Variants in WWOX observed in about 807,000 individuals in gnomAD.
WWOX encodes WW domain containing oxidoreductase.
WWOX carries 69 observed loss-of-function variants against 46.2 expected under a neutral mutation model. The ratio of observed to expected loss-of-function variants is 1.49; its 90% CI spans 1.23 to 1.82. The LOEUF (loss-of-function observed/expected upper bound fraction) is 1.82. Among genes scored for constraint, WWOX ranks in the 40% most tolerant of loss-of-function variants. The probability of loss-of-function intolerance (pLI) is 0.00; values close to 1 mark genes in which losing one functional copy is unlikely to be tolerated. For synonymous variants in WWOX, 359 were observed against 202.6 expected, an observed-to-expected ratio of 1.77 and a Z score of -6.56; for missense variants, 919 against 542.6, an observed-to-expected ratio of 1.69 and a Z score of -6.89.
At chr16:78,720,851 C>G (rs974115185) in intron 8 of WWOX, among the ~76,000 whole-genome samples, 1 of 152,058 alleles carries the variant, frequency 6.6e-6, no homozygotes, top group East Asian at 1.9e-4. Flanking sequence ...AGAAATTAGA[C>G]AGGAGCTACA....
intron 8 of WWOX, among the ~76,000 whole-genome samples, chr16:78,933,633 T>A (rs191326384): frequency 8.5e-5 from 13 of 152,310 alleles, no homozygotes; most frequent in Admixed American, 8.5e-4. Flanking sequence ...AGAAGTTTAT[T>A]GGACTTACAG....
chr16:78,354,666 G>GT (rs1473173832), intron 5 of WWOX, among the ~76,000 whole-genome samples: 1 of 151,780 alleles, frequency 6.6e-6, no homozygotes, highest in African/African-American at 2.4e-5. Context: ...GTTGGATTTT[G>GT]TTTTTTGGTT....
intron 8 of WWOX, among the ~76,000 whole-genome samples, chr16:78,590,292 A>G (rs914806297): frequency 2.0e-5 from 3 of 152,204 alleles, no homozygotes; most frequent in African/African-American, 7.2e-5. Context: ...CTATCCTTCA[A>G]AAAGGCACCA....
intron 5 of WWOX, among the ~76,000 whole-genome samples, chr16:78,183,049 C>G (rs971122426): frequency 1.3e-5 from 2 of 151,732 alleles, no homozygotes; most frequent in Non-Finnish European, 2.9e-5. Context: ...TATGACAGCA[C>G]GGATCACATA....
intron 8 of WWOX, chr16:79,016,793 T>G (rs1022228286): frequency 6.6e-6 from 1 of 152,224 alleles, no homozygotes; most frequent in Non-Finnish European, 1.5e-5. Context: ...CAGTCCTTCT[T>G]AGAAGATGAT....
At chr16:79,064,835 C>G (rs2048413798) in intron 8 of WWOX, among the ~76,000 whole-genome samples, 1 of 152,144 alleles carries the variant, frequency 6.6e-6, no homozygotes, top group African/African-American at 2.4e-5. Flanking sequence ...ATTATCTGCC[C>G]TGGAATGGCA....
chr16:78,845,514 A>G (rs912779921), intron 8 of WWOX, among the ~76,000 whole-genome samples: 1 of 152,226 alleles, frequency 6.6e-6, no homozygotes, highest in African/African-American at 2.4e-5. Flanking sequence ...AATATTTTAT[A>G]AAACATATTT....
chr16:78,960,855 A>G (rs1325921802), intron 8 of WWOX, among the ~76,000 whole-genome samples: 2 of 152,162 alleles, frequency 1.3e-5, no homozygotes, highest in Non-Finnish European at 1.5e-5. Flanking sequence ...TGCTTTATTT[A>G]CTGTATACAT....
intron 8 of WWOX, among the ~76,000 whole-genome samples, chr16:78,460,973 T>C (rs1396243751): frequency 6.7e-6 from 1 of 148,886 alleles, no homozygotes; most frequent in Non-Finnish European, 1.5e-5. Flanking sequence ...TACTAAGTTC[T>C]TGCCACAGGT....
chr16:78,612,499 AC>A (rs1339289009), intron 8 of WWOX, among the ~76,000 whole-genome samples: 2 of 152,144 alleles, frequency 1.3e-5, no homozygotes, highest in African/African-American at 4.8e-5. Context: ...TGTTTTGTAG[AC>A]AGAGCTCAAT....
intron 8 of WWOX, chr16:78,503,654 A>G (rs1202184320): frequency 2.0e-5 from 3 of 152,180 alleles, no homozygotes; most frequent in African/African-American, 7.2e-5. Context: ...ACAAGGTGCA[A>G]ACACTTACAT....
At chr16:78,599,746 G>T (rs2045576418) in intron 8 of WWOX, among the ~76,000 whole-genome samples, 1 of 152,106 alleles carries the variant, frequency 6.6e-6, no homozygotes, top group Non-Finnish European at 1.5e-5. Context: ...AGGGAGAATT[G>T]TTACCCCCGG....
chr16:78,819,283 C>G (rs998830183), intron 8 of WWOX, among the ~76,000 whole-genome samples: 2 of 152,140 alleles, frequency 1.3e-5, no homozygotes, highest in Non-Finnish European at 2.9e-5. Flanking sequence ...AGGCAAGACT[C>G]AACTCCATAG....
At chr16:79,168,347 C>G (rs56306127) in intron 8 of WWOX, among the ~76,000 whole-genome samples, 1 of 152,112 alleles carries the variant, frequency 6.6e-6, no homozygotes, top group Admixed American at 6.5e-5. Flanking sequence ...TACAGAAAAT[C>G]TCTGCTTTTA....
At chr16:79,074,076 C>A (rs1213850303) in intron 8 of WWOX, among the ~76,000 whole-genome samples, 1 of 151,954 alleles carries the variant, frequency 6.6e-6, no homozygotes. Flanking sequence ...TGTATACAGG[C>A]TGAGGATGGG....
intron 6 of WWOX, among the ~76,000 whole-genome samples, chr16:78,400,099 C>T (rs1182389788): frequency 6.6e-6 from 1 of 152,098 alleles, no homozygotes; most frequent in Non-Finnish European, 1.5e-5. Context: ...ATAAACGGGA[C>T]CTCTCAATTA....
chr16:78,238,213 G>A (rs1230100975), intron 5 of WWOX: 2 of 152,114 alleles, frequency 1.3e-5, no homozygotes, highest in African/African-American at 2.4e-5. Flanking sequence ...CAAATTTATT[G>A]TATATTTATA....
At chr16:78,461,366 A>AAAAC (rs373761680) in intron 8 of WWOX, among the ~76,000 whole-genome samples, 4 of 152,154 alleles carry the variant, frequency 2.6e-5, no homozygotes, top group East Asian at 1.9e-4. Context: ...AAAGGGAGAA[A>AAAAC]AAACAAACAA....
In WWOX at chr16:78,794,061, A is replaced by T. The variant is rs1353261941; in HGVS notation, c.1056+361309A>T. Among the ~76,000 whole-genome samples, 3 of 152,202 alleles carry T rather than the reference A, an allele frequency of 2.0e-5. No homozygotes were observed. In the East Asian group the frequency reaches 5.8e-4, roughly 30 times the overall value. On this transcript the variant is annotated intron_variant, in intron 8 of 8. Coordinates refer to ENST00000566780, the MANE Select transcript of WWOX (RefSeq NM_016373.4). ...CTGCTGTGGTCAGAATGTCTGTGTC[A>T]CCCCAGCATTCATTTGTTAGGAGAT...
Sources: gnomAD v4.1 joint callset for allele counts (sites outside exome capture counted in the v4.1 genomes callset) on GRCh38, gnomAD v4.1.1 for gene constraint, MANE v1.5 for transcripts, NCBI Gene and HGNC (gene_info 2026-07-23, HGNC 2026-07-21) for gene names.